Variants in PFKFB3 observed in about 807,000 individuals in gnomAD.
PFKFB3 encodes 6-phosphofructo-2-kinase/fructose-2,6-bisphosphatase 3.
PFKFB3 carries 33 observed loss-of-function variants against 68.0 expected under a neutral mutation model. The ratio of observed to expected loss-of-function variants is 0.49; its 90% CI spans 0.37 to 0.65. The LOEUF (loss-of-function observed/expected upper bound fraction) is 0.65. Among genes scored for constraint, PFKFB3 ranks in the 30% least tolerant of loss-of-function variants. The pLI is 0.00. For missense variants in PFKFB3, 586 were observed against 712.2 expected, an observed-to-expected ratio of 0.82 and a Z score of 2.02; for synonymous variants, 315 against 288.2, an observed-to-expected ratio of 1.09 and a Z score of -0.94.
At chr10:6,305,137 C>T in the PFKFB3 span, among the ~76,000 whole-genome samples, 1 of 140,110 alleles carries the variant, frequency 7.1e-6, no homozygotes, top group Non-Finnish European at 1.5e-5. Context: ...GTTGGGATTG[C>T]AAGCGTGAGC....
At chr10:6,295,617 A>G in the PFKFB3 span, among the ~76,000 whole-genome samples, 1 of 151,564 alleles carries the variant, frequency 6.6e-6, no homozygotes, top group African/African-American at 2.4e-5. Flanking sequence ...AGCATTCTTT[A>G]CTTTTCTGAT....
the PFKFB3 span, among the ~76,000 whole-genome samples, chr10:6,286,832 T>C: frequency 1.3e-5 from 2 of 152,264 alleles, no homozygotes; most frequent in African/African-American, 4.8e-5. Flanking sequence ...CTGCATTATC[T>C]GGTTTTAATT....
At chr10:6,304,700 T>TA in the PFKFB3 span, among the ~76,000 whole-genome samples, 1 of 146,152 alleles carries the variant, frequency 6.8e-6, no homozygotes, top group Admixed American at 6.9e-5. Context: ...TTTTTTTTTT[T>TA]AGTAGAGATG....
In PFKFB3 at chr10:6,219,680, G is replaced by A. The variant is rs199606482; in HGVS notation, c.610G>A (p.Asp204Asn). Reference sequence around the variant, plus strand: ...AGCCAGCTACCAGCCCCTCGACCCCGACAAATGCGACAGGTGATTCCCGTG... The same window carrying A: ...AGCCAGCTACCAGCCCCTCGACCCCAACAAATGCGACAGGTGATTCCCGTG... ...YEASYQPLDP[D>N]KCDRDLSLIK... The change falls in exon 7 of 15, where the codon GAC (aspartate) becomes AAC (asparagine). Residue 204 changes from aspartate (D) to asparagine (N), a missense_variant. Transcript: ENST00000379775. 71 of 1,613,666 alleles carry A rather than the reference G, an allele frequency of 4.4e-5. No homozygotes were observed. The highest frequency in any genetic ancestry group is 3.4e-4 in the Middle Eastern group (2 of 5,966).
downstream of PFKFB3, among the ~76,000 whole-genome samples, chr10:6,258,305 G>A (rs980697386): frequency 3.3e-5 from 5 of 152,198 alleles, no homozygotes; most frequent in African/African-American, 9.6e-5. Context: ...GAGGGGTGAA[G>A]GGATCATGGA....
In PFKFB3 at chr10:6,228,775, C is replaced by G. The variant is rs57027265; in HGVS notation, c.1515+2410C>G. On this transcript the variant is annotated intron_variant, in intron 14 of 14. Coordinates refer to ENST00000379775, the MANE Select transcript of PFKFB3 (RefSeq NM_004566.4). This position sits in a 1 kb window ranked among gnomAD's most constrained non-coding sequence, Gnocchi z 4.5. ...CCCAAAAGAGCTCCGAGTGGAGACC[C>G]TTGGGGATCCGTTTGTCCTGGGTTG... Among the ~76,000 whole-genome samples the G allele has an allele frequency of 2.1e-3, 320 of 152,318 alleles. 2 individuals are homozygous for G. The highest frequency in any genetic ancestry group is 7.3e-3 in the African/African-American group (305 of 41,572).
the PFKFB3 span, among the ~76,000 whole-genome samples, chr10:6,300,158 C>A: frequency 1.3e-5 from 2 of 151,628 alleles, no homozygotes; most frequent in East Asian, 1.9e-4. Flanking sequence ...TCTCTTCGGG[C>A]GAGATGCGAG....
the PFKFB3 span, among the ~76,000 whole-genome samples, chr10:6,276,893 G>A: frequency 1.3e-5 from 2 of 150,608 alleles, no homozygotes; most frequent in Admixed American, 1.3e-4. Flanking sequence ...TATCACATGT[G>A]TGGATTCTTA....
chr10:6,181,311 C>T (rs956867396), intron 1 of PFKFB3, among the ~76,000 whole-genome samples: 7 of 149,794 alleles, frequency 4.7e-5, no homozygotes, highest in African/African-American at 1.2e-4. Context: ...AGCCTCTGCA[C>T]GCAGCCCACG....
rs750729825 is a variant in PFKFB3 at position 6,217,230 on chromosome 10, A to G, written c.498+39A>G. The G allele has an allele frequency of 6.4e-6, 10 of 1,571,312 alleles. No individual in the cohort carries two copies. The Admixed American group carries it at 1.7e-4, about 26-fold the overall frequency. On this transcript the variant is annotated intron_variant, in intron 6 of 14. Transcript: ENST00000379775. Reference sequence around the variant, plus strand: ...GAGCCCCGTGCTTCTGCGGCAGCGTAGACCACAAGGGCATTTGCAGTCTGA... The same window carrying G: ...GAGCCCCGTGCTTCTGCGGCAGCGTGGACCACAAGGGCATTTGCAGTCTGA...
At chr10:6,302,779 C>T in the PFKFB3 span, among the ~76,000 whole-genome samples, 7 of 116,706 alleles carry the variant, frequency 6.0e-5, no homozygotes, top group African/African-American at 2.1e-4. Flanking sequence ...CACACACACA[C>T]ATATACACAT....
At chr10:6,250,570 CAAAA>C (rs34324800) in intron 14 of PFKFB3, among the ~76,000 whole-genome samples, 2 of 122,456 alleles carry the variant, frequency 1.6e-5, no homozygotes, top group Non-Finnish European at 1.8e-5. Context: ...GACTCGGTCT[CAAAA>C]AAAAAAAAAA....
chr10:6,209,888 C>T (rs1288235553), intron 1 of PFKFB3, among the ~76,000 whole-genome samples: 1 of 151,348 alleles, frequency 6.6e-6, no homozygotes, highest in Admixed American at 6.6e-5. Context: ...GCTTAGCCTC[C>T]TGAGTAGCTG....
At chr10:6,219,992 A>C (rs11257356) in intron 7 of PFKFB3, among the ~76,000 whole-genome samples, 3,087 of 152,334 alleles carry the variant, frequency 0.02, 48 homozygotes, top group Non-Finnish European at 0.033. Flanking sequence ...GTAGAAGTAC[A>C]GGAAGTCAAC....
the PFKFB3 span, among the ~76,000 whole-genome samples, chr10:6,274,778 G>A: frequency 6.6e-6 from 1 of 152,014 alleles, no homozygotes; most frequent in African/African-American, 2.4e-5. Context: ...CGAGGTTGCA[G>A]TGAGCTGTGA....
chr10:6,173,514 C>T (rs992157165), intron 1 of PFKFB3, among the ~76,000 whole-genome samples: 1 of 152,108 alleles, frequency 6.6e-6, no homozygotes, highest in South Asian at 2.1e-4. Context: ...GAAACACACA[C>T]CCCTTCCCCC....
intron 14 of PFKFB3, among the ~76,000 whole-genome samples, chr10:6,227,686 T>A (rs1011345604): frequency 2.0e-5 from 3 of 152,196 alleles, no homozygotes; most frequent in Non-Finnish European, 4.4e-5. Flanking sequence ...GCTTTGGTGG[T>A]AGCTCCACAC....
the PFKFB3 span, among the ~76,000 whole-genome samples, chr10:6,312,118 G>A: frequency 6.6e-6 from 1 of 152,044 alleles, no homozygotes; most frequent in Non-Finnish European, 1.5e-5. Flanking sequence ...AAGCGGGGCT[G>A]TGCTTAGCTC....
At chr10:6,264,442 T>G in the PFKFB3 span, among the ~76,000 whole-genome samples, 18 of 152,342 alleles carry the variant, frequency 1.2e-4, 2 homozygotes, top group Admixed American at 6.5e-4. Flanking sequence ...AACTGATATC[T>G]TTACAATATT....
Sources: allele counts gnomAD v4.1 joint callset (sites outside exome capture counted in the v4.1 genomes callset), GRCh38; gene constraint gnomAD v4.1.1; non-coding constraint Gnocchi (gnomAD v3.1); transcripts MANE v1.5; gene names NCBI Gene and HGNC (gene_info 2026-07-23, HGNC 2026-07-21).